NPAS3: variants seen among roughly 807,000 people sequenced by gnomAD.
NPAS3 encodes the protein neuronal PAS domain-containing protein 3.
Under a neutral mutation model 73.1 loss-of-function variants are expected in NPAS3, and 14 were observed. The observed-to-expected ratio is 0.19, with a 90% CI of 0.13 to 0.30. The LOEUF (loss-of-function observed/expected upper bound fraction) is 0.30, where lower values mean the gene tolerates loss of function less well. Ranked by LOEUF, NPAS3 falls within the 10% of genes least tolerant of loss-of-function variation. The probability of loss-of-function intolerance (pLI) is 1.00; values close to 1 mark genes in which losing one functional copy is unlikely to be tolerated. For missense variants in NPAS3, 1,096 were observed against 1,250.0 expected (o/e 0.88, Z 1.86); for synonymous variants, 620 against 541.5 (o/e 1.14, Z -2.01).
intron 4 of NPAS3, among the ~76,000 whole-genome samples, chr14:33,556,418 A>G (rs1048616298): frequency 6.6e-6 from 1 of 152,032 alleles, no homozygotes; most frequent in African/African-American, 2.4e-5. Context: ...CATAAGCTGG[A>G]CTCCTCAAGA....
chr14:33,760,529 G>C (rs2062249628), intron 7 of NPAS3, among the ~76,000 whole-genome samples: 1 of 152,124 alleles, frequency 6.6e-6, no homozygotes, highest in South Asian at 2.1e-4. Flanking sequence ...GACCAGGAAA[G>C]ACTAGGACAC....
intron 1 of NPAS3, 77 bp downstream of exon 1, chr14:32,939,443 T>A: frequency 2.2e-6 from 1 of 446,934 alleles, no homozygotes; most frequent in South Asian, 2.5e-5. Flanking sequence ...CGAGGGCCCC[T>A]CTCCGCAGCC....
intron 3 of NPAS3, among the ~76,000 whole-genome samples, chr14:33,274,426 A>G (rs1380382370): frequency 3.3e-5 from 5 of 152,098 alleles, no homozygotes; most frequent in Admixed American, 6.6e-5. Context: ...CCATCAATTA[A>G]CTGCCTGCCA....
In NPAS3 at chr14:33,181,387, G is replaced by A. The variant is rs906708947; in HGVS notation, c.141-33795G>A. On this transcript the variant is annotated intron_variant, in intron 2 of 11. Transcript: ENST00000356141. Reference sequence around the variant, plus strand: ...GTGATGTCAGATAATCAGATTGTATGGGTTCAAATATGAAGAACAGGCATA... The same window carrying A: ...GTGATGTCAGATAATCAGATTGTATAGGTTCAAATATGAAGAACAGGCATA... 7.2e-5 allele frequency among the ~76,000 whole-genome samples: 11 copies of A among 152,118 alleles called. No individual in the cohort carries two copies. The East Asian group carries it at 1.9e-3, about 27-fold the overall frequency.
intron 7 of NPAS3, among the ~76,000 whole-genome samples, chr14:33,753,088 G>C (rs142190723): frequency 6.6e-6 from 1 of 152,254 alleles, no homozygotes; most frequent in East Asian, 1.9e-4. Flanking sequence ...CAGTTCATTA[G>C]TGTGCTTCGA....
intron 4 of NPAS3, among the ~76,000 whole-genome samples, chr14:33,473,062 T>C (rs1039059730): frequency 2.1e-5 from 3 of 143,272 alleles, no homozygotes; most frequent in African/African-American, 9.1e-5. Flanking sequence ...AATAAAAATA[T>C]GAGGGTAAGA....
intron 2 of NPAS3, among the ~76,000 whole-genome samples, chr14:33,056,403 T>C (rs955133904): frequency 6.6e-6 from 1 of 152,214 alleles, no homozygotes; most frequent in Admixed American, 6.5e-5. Context: ...AATCCTGTAA[T>C]GGAATGATGA....
intron 7 of NPAS3, among the ~76,000 whole-genome samples, chr14:33,773,071 C>T (rs750277805): frequency 1.6e-4 from 25 of 152,184 alleles, no homozygotes; most frequent in Admixed American, 2.6e-4. Context: ...ATTGGAAAAC[C>T]AAGTAACTTA....
intron 1 of NPAS3, among the ~76,000 whole-genome samples, chr14:32,958,371 T>C (rs2036768598): frequency 6.6e-6 from 1 of 152,190 alleles, no homozygotes; most frequent in South Asian, 2.1e-4. Context: ...AATAGACACT[T>C]TGAGTTGTTA....
At chr14:33,300,071 T>C (rs187409281) in intron 3 of NPAS3, among the ~76,000 whole-genome samples, 147 of 152,326 alleles carry the variant, frequency 9.7e-4, no homozygotes, top group African/African-American at 3.4e-3. Flanking sequence ...TAAAATATGC[T>C]TTGAGTATCT....
At position 33,544,798 on chromosome 14, in the gene NPAS3, A is replaced by G. The variant is rs1233570383; in HGVS notation, c.469-15323A>G. Among the ~76,000 whole-genome samples the G allele has an allele frequency of 1.3e-3, 96 of 75,582 alleles. 3 individuals are homozygous for G. The highest frequency in any genetic ancestry group is 7.8e-3 in the South Asian group (23 of 2,950). 49.6% of individuals were successfully genotyped at this position (75,582 alleles called of 152,430 possible). A position where few individuals can be genotyped will look rare whatever the true frequency, so the allele number is the denominator to read the frequency against. ...GTTTATGTGTGTGTATTATATATAT[A>G]TATATATATATATGTATATATAATA... On this transcript the variant is annotated intron_variant, in intron 4 of 11. Coordinates refer to ENST00000356141, the Ensembl canonical transcript of NPAS3.
intron 4 of NPAS3, among the ~76,000 whole-genome samples, chr14:33,479,069 C>T (rs2139686120): frequency 6.6e-6 from 1 of 152,222 alleles, no homozygotes; most frequent in South Asian, 2.1e-4. Context: ...TAACCAATGT[C>T]ATTATGGCAA....
intron 1 of NPAS3, among the ~76,000 whole-genome samples, chr14:33,004,102 A>G (rs994022070): frequency 1.3e-5 from 2 of 152,194 alleles, no homozygotes; most frequent in African/African-American, 4.8e-5. Flanking sequence ...TGAATTATTA[A>G]TAGTGTGAAG....
At chr14:33,332,905 A>G (rs1281922658) in intron 3 of NPAS3, among the ~76,000 whole-genome samples, 2 of 152,218 alleles carry the variant, frequency 1.3e-5, no homozygotes, top group East Asian at 1.9e-4. Flanking sequence ...TTGGCATTTC[A>G]TTGCTTTCCC....
intron 5 of NPAS3, among the ~76,000 whole-genome samples, chr14:33,605,055 G>T (rs980811423): frequency 6.6e-6 from 1 of 151,798 alleles, no homozygotes; most frequent in African/African-American, 2.4e-5. Context: ...TCTAAAATGA[G>T]TAGAGGAATA....
intron 3 of NPAS3, among the ~76,000 whole-genome samples, chr14:33,346,774 A>G (rs146236072): frequency 1.4e-3 from 219 of 152,290 alleles, no homozygotes; most frequent in African/African-American, 4.9e-3. Context: ...CATGTATTAC[A>G]GTTCCTGGGA....
intron 2 of NPAS3, among the ~76,000 whole-genome samples, chr14:33,059,789 C>A (rs1379011848): frequency 6.6e-6 from 1 of 152,226 alleles, no homozygotes; most frequent in Non-Finnish European, 1.5e-5. Flanking sequence ...CCCTTCCATA[C>A]TAACTATAAC....
intron 3 of NPAS3, among the ~76,000 whole-genome samples, chr14:33,249,350 CTT>C (rs5807709): frequency 0.37 from 54,298 of 147,094 alleles, 10,466 homozygotes; most frequent in South Asian, 0.53. Context: ...TCCCCCCCAC[CTT>C]TTTTTTTTTT....
intron 6 of NPAS3, among the ~76,000 whole-genome samples, chr14:33,688,926 G>A (rs1004057406): frequency 2.0e-5 from 3 of 152,212 alleles, no homozygotes; most frequent in Non-Finnish European, 4.4e-5. Flanking sequence ...TATCGGATTT[G>A]TAGGAATTCA....
Sources: allele counts gnomAD v4.1 joint callset (sites outside exome capture counted in the v4.1 genomes callset), GRCh38; gene constraint gnomAD v4.1.1; transcripts MANE v1.5; gene names NCBI Gene and HGNC (gene_info 2026-07-23, HGNC 2026-07-21).